The following NCOA4 variants were observed in gnomAD, a reference collection of about 807,000 sequenced individuals.
NCOA4 encodes the protein 70 kDa AR-activator.
Under a neutral mutation model 69.5 loss-of-function variants are expected in NCOA4, and 31 were observed. The ratio of observed to expected loss-of-function variants is 0.45; its 90% CI spans 0.34 to 0.60. The LOEUF (loss-of-function observed/expected upper bound fraction) is 0.60, where lower values mean the gene tolerates loss of function less well. Among genes scored for constraint, NCOA4 ranks in the 20% least tolerant of loss-of-function variants. The pLI, the probability that NCOA4 is intolerant of heterozygous loss-of-function variation, is 0.02. For missense variants in NCOA4, 600 were observed against 719.2 expected (o/e 0.83, Z 1.90); for synonymous variants, 228 against 252.4 (o/e 0.90, Z 0.92).
At chr10:46,009,679 G>GTTTTT (rs1839084343) in intron 8 of NCOA4, 128 bp from the exon 9 acceptor site, 3 of 838,218 alleles carry the variant, frequency 3.6e-6, no homozygotes, top group African/African-American at 1.7e-5. Flanking sequence ...CAAAAACAAA[G>GTTTTT]GTGACAATTG....
In NCOA4 at chr10:46,014,891, T is replaced by C; in HGVS notation, c.334A>G (p.Lys112Glu). ...LTHQLECTQN[K>E]DLANQVSVCL... is the part of the protein sequence containing the mutation. ...ACAGAGACTTGATTGGCTAGATCTT[T>C]GTTTTGGGTACACTCCAGTTGATGA... The change falls in exon 4 of 10, where the codon AAA (lysine) becomes GAA (glutamate). Residue 112 changes from lysine to glutamate, a missense_variant. By Grantham distance (56) the Lys-to-Glu change is moderately conservative (BLOSUM62 1). Transcript: ENST00000581486. 1 of 1,614,214 alleles carries C rather than the reference T, an allele frequency of 6.2e-7. No homozygotes were observed. Among genetic ancestry groups the C allele is most frequent in the Non-Finnish European group, 8.5e-7 (1 of 1,180,034 alleles).
rs782538214 is a variant in NCOA4 at position 46,014,441 on chromosome 10, C to T, written c.480+3G>A. On this transcript the variant is annotated splice_donor_region_variant and intron_variant, in intron 5 of 9. Coordinates refer to ENST00000581486, the MANE Select transcript of NCOA4 (RefSeq NM_001145263.2). The stretch of plus-strand genomic sequence containing the variant: ...GCCCAGTGAAGCATATGAGATTACT[C>T]ACAATGGTTTTGAGAGACCCAAATG... 3 of 1,595,034 alleles carry T rather than the reference C, an allele frequency of 1.9e-6. No individual in the cohort carries two copies. The highest frequency in any genetic ancestry group is 2.6e-6 in the Non-Finnish European group (3 of 1,163,232).
intron 1 of NCOA4, among the ~76,000 whole-genome samples, chr10:46,017,625 A>T (rs1839643917): frequency 6.6e-6 from 1 of 152,158 alleles, no homozygotes; most frequent in African/African-American, 2.4e-5. Flanking sequence ...TAATATATAA[A>T]AGAATGTGCA....
chr10:46,009,376 A>C (rs370768244), intron 9 of NCOA4, 35 bp downstream of exon 9: 1 of 1,589,670 alleles, frequency 6.3e-7, no homozygotes, highest in Non-Finnish European at 8.6e-7. Flanking sequence ...ATAAATAGCT[A>C]TAATCTAATT....
intron 8 of NCOA4, 68 bp from the exon 9 acceptor site, chr10:46,009,619 A>C: frequency 7.1e-7 from 1 of 1,404,458 alleles, no homozygotes; most frequent in Non-Finnish European, 9.8e-7. Context: ...TTATCTTCCA[A>C]ATAGGGTCTA....
At chr10:46,016,019 G>A (rs1554923111) in intron 2 of NCOA4, among the ~76,000 whole-genome samples, 2 of 152,156 alleles carry the variant, frequency 1.3e-5, no homozygotes, top group Non-Finnish European at 2.9e-5. Flanking sequence ...ATAAAGTTGT[G>A]TTTCAAAGTC....
At position 46,027,475 on chromosome 10, in the gene NCOA4, G is replaced by T. The variant is rs566403828; in HGVS notation, c.-15+3051C>A. 2.6e-6 allele frequency: 4 copies of T among 1,551,302 alleles called. No individual in the cohort carries two copies. In the South Asian group the frequency reaches 3.6e-5, roughly 14 times the overall value. ...TCAACTGGGCCCCCATTCCAGCCTA[G>T]ACCTCCACATTGTTCATGTGCGTTC... On this transcript the variant is annotated intron_variant, in intron 1 of 9. Coordinates refer to ENST00000581486, the MANE Select transcript of NCOA4 (RefSeq NM_001145263.2).
intron 9 of NCOA4, 193 bp downstream of exon 9, chr10:46,009,218 T>G: frequency 6.5e-7 from 1 of 1,547,260 alleles, no homozygotes. Context: ...TATGCCTAGT[T>G]AGTTAATAAA....
Position 46,016,662 on chromosome 10 carries a change from G to C in NCOA4, c.19C>G (p.Gln7Glu). The change falls in exon 2 of 10, where the codon CAG becomes GAG. Residue 7 changes from glutamine to glutamate, a missense_variant. Gln to Glu is a conservative substitution (Grantham distance 29). Coordinates refer to ENST00000581486, the MANE Select transcript of NCOA4 (RefSeq NM_001145263.2). MNTFQD[Q>E]SGSSSNREPL... ...TCTCTATTACTGGAGCTGCCACTCT[G>C]GTCTTGGAAGGTATTCATTCTCCTC... is the stretch of plus-strand genomic sequence containing the variant. 1 of 1,505,334 alleles carries C rather than the reference G, an allele frequency of 6.6e-7. No individual in the cohort carries two copies. Among genetic ancestry groups the C allele is most frequent in the Non-Finnish European group, 9.0e-7 (1 of 1,115,264 alleles). 93.2% of individuals were successfully genotyped at this position (1,505,334 alleles called of 1,614,324 possible). A position where few individuals can be genotyped will look rare whatever the true frequency, so the allele number is the denominator to read the frequency against.
At chr10:46,012,818 C>G in intron 7 of NCOA4, 65 bp downstream of exon 7, 2 of 1,574,822 alleles carry the variant, frequency 1.3e-6, no homozygotes, top group East Asian at 2.3e-5. Context: ...CATAGTACTA[C>G]TGATTAGTAA....
chr10:46,015,331 A>T, intron 2 of NCOA4, 65 bp from the exon 3 acceptor site: 3 of 699,128 alleles, frequency 4.3e-6, no homozygotes, highest in South Asian at 1.8e-5. Context: ...CCCAAAGAAT[A>T]GTGAGTTTCT....
intron 1 of NCOA4, among the ~76,000 whole-genome samples, chr10:46,027,215 G>C (rs1840204135): frequency 6.9e-6 from 1 of 145,136 alleles, no homozygotes; most frequent in African/African-American, 2.6e-5. Flanking sequence ...AGCTTGCAAT[G>C]AGCGGAGATC....
chr10:46,012,642 TTTTCTC>T (rs1238936967), intron 7 of NCOA4, among the ~76,000 whole-genome samples: 1 of 152,162 alleles, frequency 6.6e-6, no homozygotes, highest in East Asian at 1.9e-4. Flanking sequence ...GTTACAGTGT[TTTTCTC>T]TTTGTGTTGA....
rs782202795 is a variant in NCOA4 at position 46,010,516 on chromosome 10, C to T, written c.1405G>A (p.Glu469Lys). 6.2e-7 allele frequency: 1 copy of T among 1,614,174 alleles called. No homozygotes were observed. The highest frequency in any genetic ancestry group is 1.1e-5 in the South Asian group (1 of 91,080). ...MWLCPRKEVI[E>K]QTKAPKAMTP... ...ATTGCCTTTGGTGCTTTAGTTTGTT[C>T]TATTACTTCTTTTCTAGGACAGAGC... Residue 469 changes from glutamate (E) to lysine (K), a missense_variant, in exon 8 of 10, where the codon GAA becomes AAA. Physicochemically the swap from Glu to Lys is moderately conservative, Grantham distance 56. Transcript: ENST00000581486.
rs1839125113 is a variant in NCOA4, at chr10:46,010,262, A to T, written c.1659T>A (p.Ser553=). 6.2e-7 allele frequency: 1 copy of T among 1,612,936 alleles called. No individual in the cohort carries two copies. Among genetic ancestry groups the T allele is most frequent in the Admixed American group, 1.7e-5 (1 of 59,740 alleles). The change falls in exon 8 of 10, where the codon TCT becomes TCA. Residue 553 remains serine (S), a synonymous_variant. Coordinates refer to ENST00000581486, the MANE Select transcript of NCOA4 (RefSeq NM_001145263.2). Reference sequence around the variant, plus strand: ...GAAGCAGCCACTTGTCTTCTCCAGAAGATAACTGGCTGAGGTTGCCCATCT... The same window carrying T: ...GAAGCAGCCACTTGTCTTCTCCAGATGATAACTGGCTGAGGTTGCCCATCT... ...GKKMGNLSQL[S]SGEDKWLLRK...
Position 46,027,675 on chromosome 10 carries a change from G to A in NCOA4, c.-15+2851C>T, listed in dbSNP as rs1840237795. On this transcript the variant is annotated intron_variant, in intron 1 of 9. Coordinates refer to ENST00000581486, the MANE Select transcript of NCOA4 (RefSeq NM_001145263.2). ...AACCCAATGCATACATACTGGTTGGGTGGTCTGTTATCGACACTTTAGGCT... is the reference window on the plus strand; with the variant it reads ...AACCCAATGCATACATACTGGTTGGATGGTCTGTTATCGACACTTTAGGCT... The A allele has an allele frequency of 1.8e-5, 11 of 596,322 alleles. No individual in the cohort carries two copies. In the South Asian group the frequency reaches 2.1e-4, roughly 12 times the overall value. The allele number at this position is 596,322 out of a possible 1,614,324, so 36.9% of individuals were successfully genotyped here. A position where few individuals can be genotyped will look rare whatever the true frequency, so the allele number is the denominator to read the frequency against.
chr10:46,027,442 A>G (rs1197101009), intron 1 of NCOA4: 1 of 1,551,554 alleles, frequency 6.4e-7, no homozygotes, highest in Admixed American at 2.0e-5. Flanking sequence ...CAGCTAGAGC[A>G]AAAGTGGTCA....
chr10:46,012,854 C>G (rs1554922017), intron 7 of NCOA4, 29 bp downstream of exon 7: 2 of 1,612,708 alleles, frequency 1.2e-6, no homozygotes, highest in Non-Finnish European at 1.7e-6. Context: ...GCTGTGTCTA[C>G]TGTAGAAACA....
intron 1 of NCOA4, among the ~76,000 whole-genome samples, chr10:46,020,718 C>A (rs1839818407): frequency 6.6e-6 from 1 of 152,128 alleles, no homozygotes; most frequent in South Asian, 2.1e-4. Flanking sequence ...AGTCTAAATC[C>A]TCTAATATAT....
Sources: gnomAD v4.1 joint callset for allele counts (sites outside exome capture counted in the v4.1 genomes callset) on GRCh38, gnomAD v4.1.1 for gene constraint, MANE v1.5 for transcripts, NCBI Gene and HGNC (gene_info 2026-07-23, HGNC 2026-07-21) for gene names.